The following DDX10 variants were observed in gnomAD, a reference collection of about 807,000 sequenced individuals.
The protein encoded by DDX10 is DEAD-box helicase 10, also known as probable ATP-dependent RNA helicase DDX10.
Under a neutral mutation model 104.3 loss-of-function variants are expected in DDX10, and 74 were observed. The ratio of observed to expected loss-of-function variants is 0.71; its 90% CI spans 0.59 to 0.86. The LOEUF (loss-of-function observed/expected upper bound fraction) is 0.86. Among genes scored for constraint, DDX10 ranks in the 40% least tolerant of loss-of-function variants. The pLI, the probability that DDX10 is intolerant of heterozygous loss-of-function variation, is 0.00. For synonymous variants in DDX10, 351 were observed against 353.4 expected (o/e 0.99, Z 0.08); for missense variants, 952 against 1,040.0 (o/e 0.92, Z 1.16).
intron 13 of DDX10, among the ~76,000 whole-genome samples, chr11:108,803,861 G>A (rs924640894): frequency 3.3e-5 from 5 of 152,138 alleles, no homozygotes; most frequent in African/African-American, 1.2e-4. Flanking sequence ...AGTACCTTTA[G>A]TTGCCTCTGG....
At chr11:108,801,356 T>G (rs1221227721) in intron 13 of DDX10, among the ~76,000 whole-genome samples, 1 of 152,228 alleles carries the variant, frequency 6.6e-6, no homozygotes, top group African/African-American at 2.4e-5. Context: ...CTCCCCTCCT[T>G]AATGCTTGAG....
At chr11:108,815,389 G>T (rs1386587779) in intron 13 of DDX10, among the ~76,000 whole-genome samples, 1 of 152,048 alleles carries the variant, frequency 6.6e-6, no homozygotes, top group African/African-American at 2.4e-5. Flanking sequence ...CCAAATCTGT[G>T]CACACTCAAG....
intron 13 of DDX10, among the ~76,000 whole-genome samples, chr11:108,733,046 CCATA>C (rs1199226907): frequency 6.6e-6 from 1 of 151,438 alleles, no homozygotes; most frequent in African/African-American, 2.4e-5. Flanking sequence ...TGAATGATAC[CCATA>C]GATTATTCAT....
At chr11:108,861,671 C>T (rs182076050) in intron 16 of DDX10, among the ~76,000 whole-genome samples, 338 of 151,942 alleles carry the variant, frequency 2.2e-3, no homozygotes, top group African/African-American at 7.8e-3. Flanking sequence ...GAAGGGGGCT[C>T]CTGGAGAACT....
chr11:108,744,125 A>G (rs930553235), intron 13 of DDX10, among the ~76,000 whole-genome samples: 1 of 152,190 alleles, frequency 6.6e-6, no homozygotes, highest in Non-Finnish European at 1.5e-5. Flanking sequence ...CGACTCATTT[A>G]TACTTATATT....
intron 17 of DDX10, among the ~76,000 whole-genome samples, chr11:108,926,818 G>C (rs1863914808): frequency 6.6e-6 from 1 of 152,150 alleles, no homozygotes; most frequent in Non-Finnish European, 1.5e-5. Flanking sequence ...CAGTACTTTA[G>C]GATGGGTATA....
chr11:108,688,802 CT>C (rs1470958003), intron 6 of DDX10, 133 bp from the exon 7 acceptor site: 8 of 846,964 alleles, frequency 9.4e-6, no homozygotes, highest in African/African-American at 5.1e-5. Context: ...GAGAAAAATT[CT>C]TTTTTTGGTG....
At chr11:108,762,878 G>A (rs1401378292) in intron 13 of DDX10, among the ~76,000 whole-genome samples, 2 of 152,070 alleles carry the variant, frequency 1.3e-5, no homozygotes, top group Non-Finnish European at 2.9e-5. Flanking sequence ...ATTGTTTTAA[G>A]CATTTCTTAA....
chr11:108,802,418 T>A (rs993072470), intron 13 of DDX10, among the ~76,000 whole-genome samples: 5 of 152,176 alleles, frequency 3.3e-5, no homozygotes, highest in African/African-American at 1.2e-4. Context: ...TGGTTGGAAT[T>A]TTTCTTTGAA....
intron 16 of DDX10, among the ~76,000 whole-genome samples, chr11:108,911,841 T>C (rs1863684541): frequency 6.6e-6 from 1 of 152,144 alleles, no homozygotes; most frequent in South Asian, 2.1e-4. Context: ...TGCCTCTTAA[T>C]ACTATCACTT....
chr11:108,878,461 A>G (rs1375129762), intron 16 of DDX10, among the ~76,000 whole-genome samples: 6 of 152,174 alleles, frequency 3.9e-5, no homozygotes. Flanking sequence ...CCACTGAATT[A>G]TGATTTTTAT....
At chr11:108,676,295 C>A (rs1014307411) in intron 3 of DDX10, among the ~76,000 whole-genome samples, 47 of 152,022 alleles carry the variant, frequency 3.1e-4, no homozygotes, top group African/African-American at 1.1e-3. Context: ...CCAGAAAAAT[C>A]TCATTTTAGT....
At chr11:108,704,523 A>G (rs911358566) in intron 9 of DDX10, among the ~76,000 whole-genome samples, 1 of 152,102 alleles carries the variant, frequency 6.6e-6, no homozygotes, top group Non-Finnish European at 1.5e-5. Flanking sequence ...TCCTTGGTGG[A>G]GTGTGAGAGC....
chr11:108,923,416 A>C (rs1358614104), intron 17 of DDX10, among the ~76,000 whole-genome samples: 1 of 152,248 alleles, frequency 6.6e-6, no homozygotes, highest in Non-Finnish European at 1.5e-5. Flanking sequence ...TTCTATGTGG[A>C]GTGCCAAGGA....
intron 13 of DDX10, among the ~76,000 whole-genome samples, chr11:108,769,996 T>C (rs914824256): frequency 6.6e-6 from 1 of 152,264 alleles, no homozygotes; most frequent in African/African-American, 2.4e-5. Flanking sequence ...CTTTAACATC[T>C]GGCTGAAGAG....
chr11:108,878,988 T>C (rs185077442), intron 16 of DDX10, among the ~76,000 whole-genome samples: 178 of 152,224 alleles, frequency 1.2e-3, no homozygotes, highest in African/African-American at 4.2e-3. Flanking sequence ...TTTTTTACCG[T>C]GGAAATTTTC....
chr11:108,728,758 T>A (rs1431340343), intron 13 of DDX10, among the ~76,000 whole-genome samples: 2 of 152,106 alleles, frequency 1.3e-5, no homozygotes, highest in Non-Finnish European at 2.9e-5. Context: ...CCTCAAGTGA[T>A]CCTCTCACCT....
intron 13 of DDX10, among the ~76,000 whole-genome samples, chr11:108,767,584 T>C (rs1398121766): frequency 6.6e-6 from 1 of 152,196 alleles, no homozygotes; most frequent in African/African-American, 2.4e-5. Flanking sequence ...AACTGCAAAT[T>C]TCAAACTTTT....
chr11:108,682,448 C>T (rs2094236768), intron 6 of DDX10, among the ~76,000 whole-genome samples: 1 of 152,222 alleles, frequency 6.6e-6, no homozygotes, highest in Admixed American at 6.5e-5. Flanking sequence ...TAGCAACTTT[C>T]TTTGAGTTAG....
Sources: allele counts gnomAD v4.1 joint callset (sites outside exome capture counted in the v4.1 genomes callset), GRCh38; gene constraint gnomAD v4.1.1; transcripts MANE v1.5; gene names NCBI Gene and HGNC (gene_info 2026-07-23, HGNC 2026-07-21).